TPH2: variants seen among roughly 807,000 people sequenced by gnomAD.
TPH2 encodes tryptophan hydroxylase 2.
In TPH2, 27 loss-of-function variants were observed where a neutral mutation model predicts 59.1. The observed-to-expected ratio is 0.46, with a 90% confidence interval of 0.34 to 0.63. The LOEUF (loss-of-function observed/expected upper bound fraction) is 0.63, where lower values mean the gene tolerates loss of function less well. Among genes scored for constraint, TPH2 ranks in the 30% least tolerant of loss-of-function variants. The pLI is 0.01. For missense variants in TPH2, 523 were observed against 588.3 expected, an observed-to-expected ratio of 0.89 and a Z score of 1.15; for synonymous variants, 220 against 210.5, an observed-to-expected ratio of 1.05 and a Z score of -0.39.
intron 7 of TPH2, among the ~76,000 whole-genome samples, chr12:71,994,096 G>C (rs750880338): frequency 2.0e-5 from 3 of 152,164 alleles, no homozygotes; most frequent in African/African-American, 7.2e-5. Context: ...AGGATCCTGT[G>C]CTAACAAGTT....
intron 8 of TPH2, among the ~76,000 whole-genome samples, chr12:71,997,078 A>G (rs1471948568): frequency 6.6e-6 from 1 of 152,160 alleles, no homozygotes; most frequent in African/African-American, 2.4e-5. Flanking sequence ...GTGTTCCTTT[A>G]TGGGGGCTCT....
rs762185691 is a variant in TPH2 at position 71,972,662 on chromosome 12, G to T, written c.752G>T (p.Gly251Val). 1.2e-6 allele frequency: 2 copies of T among 1,614,100 alleles called. No homozygotes were observed. The highest frequency in any genetic ancestry group is 1.7e-6 in the Non-Finnish European group (2 of 1,180,006). ...TTCCCTCTGCTGACTAAATACTGTG[G>T]CTACAGAGAGGACAATGTGCCTCAA... Reference protein sequence around the residue: ...KNFPLLTKYCGYREDNVPQLE... With the variant: ...KNFPLLTKYCVYREDNVPQLE... The change falls in exon 6 of 11, where the codon GGC becomes GTC. Residue 251 changes from glycine (G) to valine (V), a missense_variant. Coordinates refer to ENST00000333850, the MANE Select transcript of TPH2 (RefSeq NM_173353.4).
chr12:71,951,961 G>A (rs1389260873), intron 5 of TPH2, among the ~76,000 whole-genome samples: 1 of 152,146 alleles, frequency 6.6e-6, no homozygotes, highest in Non-Finnish European at 1.5e-5. Flanking sequence ...GGAGGCAGAG[G>A]TTGCAGTGAG....
At chr12:71,945,118 T>C (rs998053949) in intron 4 of TPH2, among the ~76,000 whole-genome samples, 1 of 151,828 alleles carries the variant, frequency 6.6e-6, no homozygotes, top group African/African-American at 2.4e-5. Context: ...TAGTTAGGAG[T>C]AGAGTAATGT....
intron 8 of TPH2, among the ~76,000 whole-genome samples, chr12:72,006,436 A>AG (rs754609468): frequency 2.0e-5 from 3 of 152,208 alleles, no homozygotes; most frequent in East Asian, 3.9e-4. Context: ...AGGAAACCTC[A>AG]GGGGCAAGGG....
chr12:72,008,564 G>T (rs1054585215), intron 8 of TPH2, among the ~76,000 whole-genome samples: 6 of 152,184 alleles, frequency 3.9e-5, no homozygotes, highest in Admixed American at 3.9e-4. Context: ...CCTTAACACA[G>T]TCCTGGTATT....
intron 5 of TPH2, 142 bp downstream of exon 5, chr12:71,949,797 T>C (rs1871295421): frequency 2.9e-6 from 2 of 693,164 alleles, no homozygotes; most frequent in Non-Finnish European, 5.2e-6. Context: ...CTCTGTAGGC[T>C]TTAAATGCCA....
intron 8 of TPH2, among the ~76,000 whole-genome samples, chr12:71,998,925 A>G (rs1436828470): frequency 6.6e-6 from 1 of 152,230 alleles, no homozygotes; most frequent in Non-Finnish European, 1.5e-5. Flanking sequence ...GATTTATATT[A>G]TTAATGACTC....
At chr12:71,968,463 GAGGACGTATGTCC>G (rs1477666053) in intron 5 of TPH2, among the ~76,000 whole-genome samples, 2 of 152,166 alleles carry the variant, frequency 1.3e-5, no homozygotes, top group African/African-American at 4.8e-5. Flanking sequence ...TCAAATTTCA[GAGGACGTATGTCC>G]AGGCTCCCCG....
chr12:72,000,400 C>T (rs752459806), intron 8 of TPH2, among the ~76,000 whole-genome samples: 20 of 152,296 alleles, frequency 1.3e-4, no homozygotes, highest in East Asian at 1.9e-4. Flanking sequence ...TCCCCTTGAT[C>T]AGTGCTTCTC....
At position 71,964,113 on chromosome 12, in the gene TPH2, C is replaced by A. The variant is rs557141651; in HGVS notation, c.609-8406C>A. 4.1e-5 allele frequency among the ~76,000 whole-genome samples: 2 copies of A among 49,004 alleles called. 1 individual carries two copies. The highest frequency in any genetic ancestry group is 1.1e-4 in the African/African-American group (2 of 17,396). 32.1% of individuals were successfully genotyped at this position (49,004 alleles called of 152,430 possible). A position where few individuals can be genotyped will look rare whatever the true frequency, so the allele number is the denominator to read the frequency against. On this transcript the variant is annotated intron_variant, in intron 5 of 10. Coordinates refer to ENST00000333850, the MANE Select transcript of TPH2 (RefSeq NM_173353.4). ...CAGTTTCATTCAAAACCTGAGAAAG[C>A]AAATCAATGGAAGATAATGGAATGG... is the stretch of plus-strand genomic sequence containing the variant.
intron 8 of TPH2, among the ~76,000 whole-genome samples, chr12:72,004,280 A>G (rs1053201238): frequency 1.3e-5 from 2 of 150,636 alleles, no homozygotes; most frequent in Non-Finnish European, 2.9e-5. Context: ...CTCAAATGTC[A>G]TCTTTCAATT....
intron 7 of TPH2, among the ~76,000 whole-genome samples, chr12:71,981,146 C>T (rs143868471): frequency 2.9e-4 from 44 of 152,040 alleles, no homozygotes; most frequent in African/African-American, 8.7e-4. Context: ...CAAGGCTGGA[C>T]GGGGAGGGAA....
chr12:71,955,286 A>G (rs78866127), intron 5 of TPH2, among the ~76,000 whole-genome samples: 2,984 of 152,298 alleles, frequency 0.02, 123 homozygotes, highest in African/African-American at 0.068. Flanking sequence ...AGACAAAACT[A>G]TCTCTTCGGC....
At chr12:72,012,753 G>A (rs1164341555) in intron 8 of TPH2, among the ~76,000 whole-genome samples, 5 of 152,146 alleles carry the variant, frequency 3.3e-5, no homozygotes, top group South Asian at 2.1e-4. Flanking sequence ...TGACATTCCT[G>A]TTAGTCCTTA....
chr12:71,982,193 C>T (rs954517644), intron 7 of TPH2, among the ~76,000 whole-genome samples: 1 of 151,090 alleles, frequency 6.6e-6, no homozygotes, highest in Non-Finnish European at 1.5e-5. Flanking sequence ...TTAGTAGAGA[C>T]GGGGTTTTGC....
chr12:71,950,925 C>T (rs997909673), intron 5 of TPH2, among the ~76,000 whole-genome samples: 3 of 152,156 alleles, frequency 2.0e-5, no homozygotes, highest in African/African-American at 7.2e-5. Context: ...GTGCTCTTCC[C>T]TTCATCCTCC....
chr12:71,948,556 G>A (rs1446912784), intron 4 of TPH2, among the ~76,000 whole-genome samples: 4 of 152,202 alleles, frequency 2.6e-5, no homozygotes, highest in Non-Finnish European at 4.4e-5. Context: ...CTCCTCTTGA[G>A]CGGCCCATCT....
intron 4 of TPH2, among the ~76,000 whole-genome samples, chr12:71,947,760 C>T (rs1871234035): frequency 6.6e-6 from 1 of 152,028 alleles, no homozygotes; most frequent in African/African-American, 2.4e-5. Flanking sequence ...GGATCGCCCA[C>T]AACATTTGCG....
Sources: gnomAD v4.1 joint callset for allele counts (sites outside exome capture counted in the v4.1 genomes callset) on GRCh38, gnomAD v4.1.1 for gene constraint, MANE v1.5 for transcripts, NCBI Gene and HGNC (gene_info 2026-07-23, HGNC 2026-07-21) for gene names.